Variants in CSMD1 observed in about 807,000 individuals in gnomAD.
CSMD1 encodes the protein CUB and Sushi multiple domains 1.
A neutral mutation model predicts 417.5 loss-of-function variants in CSMD1; 213 were observed. That is an observed-to-expected ratio of 0.51 (90% CI 0.46 to 0.57). The LOEUF (loss-of-function observed/expected upper bound fraction) is 0.57. Among genes scored for constraint, CSMD1 ranks in the 20% least tolerant of loss-of-function variants. The pLI is 0.00. For synonymous variants in CSMD1, 2,862 were observed against 1,736.8 expected, an observed-to-expected ratio of 1.65 and a Z score of -16.11; for missense variants, 6,923 against 4,529.7, an observed-to-expected ratio of 1.53 and a Z score of -15.17.
chr8:4,924,722 C>CAAA (rs60827201), intron 1 of CSMD1, among the ~76,000 whole-genome samples: 1,194 of 57,924 alleles, frequency 0.021, 36 homozygotes, highest in African/African-American at 0.047. Flanking sequence ...AACTCCATCT[C>CAAA]AAAAAAAAAA....
intron 3 of CSMD1, among the ~76,000 whole-genome samples, chr8:4,379,270 T>A (rs556701503): frequency 2.0e-5 from 3 of 152,180 alleles, no homozygotes; most frequent in Admixed American, 1.3e-4. Context: ...AAAAAATAGG[T>A]GACCAGAAAT....
intron 54 of CSMD1, among the ~76,000 whole-genome samples, chr8:2,991,595 G>A (rs377308260): frequency 6.6e-6 from 1 of 152,160 alleles, no homozygotes; most frequent in East Asian, 1.9e-4. Flanking sequence ...ATTTCCTTAT[G>A]AGCAAACATT....
At chr8:4,026,890 T>G (rs779572214) in intron 4 of CSMD1, among the ~76,000 whole-genome samples, 2 of 152,118 alleles carry the variant, frequency 1.3e-5, no homozygotes, top group Non-Finnish European at 2.9e-5. Context: ...AGGTGTAGTA[T>G]GCTGCTGAGC....
At chr8:3,794,853 G>A (rs574506877) in intron 5 of CSMD1, among the ~76,000 whole-genome samples, 9 of 131,518 alleles carry the variant, frequency 6.8e-5, no homozygotes, top group African/African-American at 1.3e-4. Flanking sequence ...GCCCATATCC[G>A]GGATCAATTT....
At chr8:4,464,268 G>C (rs1380168485) in intron 2 of CSMD1, among the ~76,000 whole-genome samples, 1 of 151,954 alleles carries the variant, frequency 6.6e-6, no homozygotes, top group Non-Finnish European at 1.5e-5. Flanking sequence ...GTGATTGTAT[G>C]AAGCACAGGG....
At chr8:3,774,846 C>T (rs1798812952) in intron 5 of CSMD1, among the ~76,000 whole-genome samples, 1 of 152,154 alleles carries the variant, frequency 6.6e-6, no homozygotes, top group Admixed American at 6.5e-5. Flanking sequence ...TCCAAGACTA[C>T]CAGTGGATGC....
chr8:4,840,554 CAGAG>C (rs933195638), intron 1 of CSMD1, among the ~76,000 whole-genome samples: 1 of 152,076 alleles, frequency 6.6e-6, no homozygotes, highest in East Asian at 1.9e-4. Context: ...ATAAACTTCC[CAGAG>C]AAAGAAAATA....
chr8:2,991,382 G>A (rs1249680498), intron 54 of CSMD1, among the ~76,000 whole-genome samples: 6 of 151,930 alleles, frequency 3.9e-5, no homozygotes, highest in Admixed American at 1.3e-4. Context: ...GATTTTTTTG[G>A]CAATGCAATC....
chr8:4,124,596 T>G (rs922468990), intron 3 of CSMD1, among the ~76,000 whole-genome samples: 7 of 152,110 alleles, frequency 4.6e-5, no homozygotes, highest in African/African-American at 1.7e-4. Context: ...GGGTTTCCTG[T>G]GCCTGGCACC....
chr8:4,977,664 T>A (rs1467131411), intron 1 of CSMD1, among the ~76,000 whole-genome samples: 1 of 152,190 alleles, frequency 6.6e-6, no homozygotes, highest in African/African-American at 2.4e-5. Flanking sequence ...GATGCCTCAC[T>A]AGTTGACATA....
intron 5 of CSMD1, among the ~76,000 whole-genome samples, chr8:3,776,438 T>A (rs1231460839): frequency 1.3e-5 from 2 of 152,096 alleles, no homozygotes; most frequent in Non-Finnish European, 2.9e-5. Flanking sequence ...TTCTCTAATC[T>A]CCTGTCTGGC....
chr8:3,678,982 G>T (rs568170325), intron 7 of CSMD1, among the ~76,000 whole-genome samples: 93 of 152,242 alleles, frequency 6.1e-4, no homozygotes, highest in Middle Eastern at 3.4e-3. Flanking sequence ...ACAAGCAAAT[G>T]CTGAGAGATT....
intron 23 of CSMD1, among the ~76,000 whole-genome samples, chr8:3,325,127 A>G (rs992722120): frequency 1.3e-5 from 2 of 152,088 alleles, no homozygotes; most frequent in African/African-American, 4.8e-5. Context: ...AATGACCTAC[A>G]TAACAAAAAT....
intron 2 of CSMD1, among the ~76,000 whole-genome samples, chr8:4,450,051 T>C (rs1047266355): frequency 2.6e-5 from 4 of 152,168 alleles, no homozygotes; most frequent in Admixed American, 1.3e-4. Flanking sequence ...GGGTTCCACT[T>C]TTCTCCCGGA....
intron 59 of CSMD1, among the ~76,000 whole-genome samples, chr8:2,964,928 G>C (rs796730336): frequency 8.5e-5 from 13 of 152,274 alleles, no homozygotes; most frequent in African/African-American, 3.1e-4. Context: ...AAGCTACTGA[G>C]TGTCCTAACT....
intron 5 of CSMD1, among the ~76,000 whole-genome samples, chr8:3,800,754 T>A (rs1485855986): frequency 6.6e-6 from 1 of 152,080 alleles, no homozygotes; most frequent in Non-Finnish European, 1.5e-5. Flanking sequence ...GTTGAGGTAG[T>A]TTGTTTTTAA....
At chr8:4,041,297 G>A (rs542721310) in intron 3 of CSMD1, among the ~76,000 whole-genome samples, 2 of 149,796 alleles carry the variant, frequency 1.3e-5, no homozygotes, top group African/African-American at 4.9e-5. Flanking sequence ...GATTACATGC[G>A]TGAGCCACCG....
intron 1 of CSMD1, among the ~76,000 whole-genome samples, chr8:4,905,238 C>T (rs371587442): frequency 6.6e-6 from 1 of 152,072 alleles, no homozygotes; most frequent in Non-Finnish European, 1.5e-5. Context: ...ATCTCTCCTC[C>T]AAGTAACACA....
intron 4 of CSMD1, among the ~76,000 whole-genome samples, chr8:4,015,199 T>C (rs1226875883): frequency 6.6e-6 from 1 of 152,216 alleles, no homozygotes; most frequent in Non-Finnish European, 1.5e-5. Context: ...GTATTTCTTG[T>C]CCTGACGTGA....
Sources: gnomAD v4.1 joint callset for allele counts (sites outside exome capture counted in the v4.1 genomes callset) on GRCh38, gnomAD v4.1.1 for gene constraint, MANE v1.5 for transcripts, NCBI Gene and HGNC (gene_info 2026-07-23, HGNC 2026-07-21) for gene names.